Variants in ITPK1 observed in about 807,000 individuals in gnomAD.
ITPK1 encodes the protein inositol-tetrakisphosphate 1-kinase, also known as inositol 1,3,4-trisphosphate 5/6-kinase.
A neutral mutation model predicts 45.3 loss-of-function variants in ITPK1; 21 were observed. The ratio of observed to expected loss-of-function variants is 0.46; its 90% confidence interval spans 0.33 to 0.67. The LOEUF is 0.67. Ranked by LOEUF, ITPK1 falls within the 30% of genes least tolerant of loss-of-function variation. The pLI is 0.02. For missense variants in ITPK1, 474 were observed against 573.5 expected, an observed-to-expected ratio of 0.83 and a Z score of 1.77; for synonymous variants, 258 against 253.6, an observed-to-expected ratio of 1.02 and a Z score of -0.16.
rs1887973081 is a variant in ITPK1 at position 93,012,679 on chromosome 14, C to T, written c.246+3997G>A. Among the ~76,000 whole-genome samples the T allele has an allele frequency of 3.3e-5, 5 of 152,186 alleles. No individual in the cohort carries two copies. The highest frequency in any genetic ancestry group is 7.2e-5 in the African/African-American group (3 of 41,442). On this transcript the variant is annotated intron_variant, in intron 4 of 10. Transcript: ENST00000267615. This position sits in a 1 kb window ranked among gnomAD's most constrained non-coding sequence, Gnocchi z 4.9. ...CGGGCAGGGCACCCAGCAGTGCTGC[C>T]GCAGAGGACACTCTCCTAGCAGTCT... is the stretch of plus-strand genomic sequence containing the variant.
chr14:93,044,865 T>C (rs75449437), intron 3 of ITPK1, among the ~76,000 whole-genome samples: 17 of 151,274 alleles, frequency 1.1e-4, no homozygotes, highest in African/African-American at 3.9e-4. Flanking sequence ...AGGGTTGTGG[T>C]TCTTTAGGAT....
chr14:92,943,282 C>T (rs1437641255), intron 10 of ITPK1, among the ~76,000 whole-genome samples: 1 of 152,222 alleles, frequency 6.6e-6, no homozygotes, highest in Non-Finnish European at 1.5e-5. Context: ...CGGGAAGTAG[C>T]AGCCACTGGG....
In ITPK1 at chr14:93,034,955, G is replaced by A. The variant is rs567428609; in HGVS notation, c.121-18154C>T. Among the ~76,000 whole-genome samples the A allele has an allele frequency of 3.3e-5, 5 of 152,222 alleles. No homozygotes were observed. Among genetic ancestry groups the A allele is most frequent in the African/African-American group, 7.2e-5 (3 of 41,452 alleles). ...CAGCCCCACCCCAGGTAGCACTGAC[G>A]GGCCTGGCCTCTGGGCACCTGCACC... On this transcript the variant is annotated intron_variant, in intron 3 of 10. Coordinates refer to ENST00000267615, the MANE Select transcript of ITPK1 (RefSeq NM_014216.6). The surrounding 1 kb of genome is among the most constrained non-coding windows in gnomAD (Gnocchi z 4.1).
chr14:93,035,418 G>A (rs1889273126), intron 3 of ITPK1, among the ~76,000 whole-genome samples: 2 of 152,240 alleles, frequency 1.3e-5, no homozygotes, highest in African/African-American at 2.4e-5. Flanking sequence ...AGCCTTGAAG[G>A]ACAGTGGAAT....
chr14:92,939,753 T>C lies in ITPK1; in HGVS notation c.*1808A>G, dbSNP rs1887264773. 2 of 985,586 alleles carry C rather than the reference T, an allele frequency of 2.0e-6. No individual in the cohort carries two copies. Among genetic ancestry groups the C allele is most frequent in the Non-Finnish European group, 2.4e-6 (2 of 829,952 alleles). The allele number at this position is 985,586 out of a possible 1,614,324, so 61.1% of individuals were successfully genotyped here. A position where few individuals can be genotyped will look rare whatever the true frequency, so the allele number is the denominator to read the frequency against. ...ACCCCCACCCGTACCTGAGGCAGAC[T>C]GGGATTGAAATTTTATTTTTAAAAG... On this transcript the variant is annotated 3_prime_UTR_variant, in exon 11 of 11. Coordinates refer to ENST00000267615, the MANE Select transcript of ITPK1 (RefSeq NM_014216.6).
rs1006422672 is a variant in ITPK1, at chr14:92,962,695, A to G, written c.463+56T>C. ...GCACTATAAACCCAGCCCCTCCCCT[A>G]TGCTGGCCTGCGGTCTACAGCGCCT... is the stretch of plus-strand genomic sequence containing the variant. On this transcript the variant is annotated intron_variant, in intron 6 of 10. Transcript: ENST00000267615. 3 of 1,328,616 alleles carry G rather than the reference A, an allele frequency of 2.3e-6. No individual in the cohort carries two copies. The East Asian group carries it at 6.9e-5, about 30-fold the overall frequency. The allele number at this position is 1,328,616 out of a possible 1,614,324, so 82.3% of individuals were successfully genotyped here.
intron 7 of ITPK1, among the ~76,000 whole-genome samples, chr14:92,960,197 G>T (rs954127842): frequency 2.0e-5 from 3 of 152,182 alleles, no homozygotes; most frequent in Non-Finnish European, 4.4e-5. Context: ...AGAGGGAGGG[G>T]CACCTGTACA....
intron 2 of ITPK1, among the ~76,000 whole-genome samples, chr14:93,083,746 A>T (rs1421012332): frequency 6.6e-6 from 1 of 152,032 alleles, no homozygotes; most frequent in African/African-American, 2.4e-5. Flanking sequence ...ATGTGTGTTG[A>T]TGGCCACACT....
At position 92,939,986 on chromosome 14, in the gene ITPK1, C is replaced by G. The variant is rs1170965142; in HGVS notation, c.*1575G>C. On this transcript the variant is annotated 3_prime_UTR_variant, in exon 11 of 11. Transcript: ENST00000267615. ...TGACGTACAGACATTAATCGGGGTT[C>G]AAAACTCAAGTCGTGTAAACGTGGT... The G allele has an allele frequency of 2.0e-6, 2 of 985,768 alleles. No homozygotes were observed. The highest frequency in any genetic ancestry group is 9.4e-5 in the South Asian group (2 of 21,294). The allele number at this position is 985,768 out of a possible 1,614,324, so 61.1% of individuals were successfully genotyped here.
chr14:92,999,863 C>T (rs1000509615), intron 4 of ITPK1, among the ~76,000 whole-genome samples: 6 of 152,238 alleles, frequency 3.9e-5, no homozygotes, highest in African/African-American at 1.2e-4. Context: ...AATTTTAGAA[C>T]GTTTTCATCC....
intron 9 of ITPK1, among the ~76,000 whole-genome samples, chr14:92,951,724 C>T (rs117603425): frequency 0.018 from 2,746 of 152,256 alleles, 74 homozygotes; most frequent in Admixed American, 0.08. Flanking sequence ...CTCACCTCTC[C>T]CTGTGCTGGG....
intron 5 of ITPK1, among the ~76,000 whole-genome samples, chr14:92,980,126 C>T (rs1193309943): frequency 1.3e-5 from 2 of 152,102 alleles, no homozygotes; most frequent in East Asian, 1.9e-4. Context: ...ATACACCAGC[C>T]CCAGAGGAGC....
chr14:93,103,890 C>T lies in ITPK1; in HGVS notation c.95+11179G>A, dbSNP rs761108809. ...CTCTGCACCCATCTACCATGCCCCG[C>T]CCTGCCCAGGAAGCAGCAAGCTGAC... On this transcript the variant is annotated intron_variant, in intron 2 of 10. Coordinates refer to ENST00000267615, the MANE Select transcript of ITPK1 (RefSeq NM_014216.6). Among the ~76,000 whole-genome samples, 6 of 152,180 alleles carry T rather than the reference C, an allele frequency of 3.9e-5. No individual in the cohort carries two copies. In the East Asian group the frequency reaches 7.7e-4, roughly 20 times the overall value.
chr14:93,024,135 C>A (rs60638321), intron 3 of ITPK1, among the ~76,000 whole-genome samples: 8,507 of 152,288 alleles, frequency 0.056, 445 homozygotes, highest in African/African-American at 0.13. Flanking sequence ...GCCTGACCGC[C>A]CTGTGTGTGT....
intron 3 of ITPK1, among the ~76,000 whole-genome samples, chr14:93,026,341 T>C (rs566173659): frequency 1.3e-5 from 2 of 152,294 alleles, no homozygotes; most frequent in East Asian, 3.9e-4. Flanking sequence ...AAAAGATATG[T>C]TTGAATGTTA....
At chr14:93,004,005 A>G (rs953079763) in intron 4 of ITPK1, among the ~76,000 whole-genome samples, 2 of 152,264 alleles carry the variant, frequency 1.3e-5, no homozygotes, top group Non-Finnish European at 2.9e-5. Context: ...GATGTGACGA[A>G]CAAACCAAAA....
At chr14:93,114,992 G>A (rs1892880156) in intron 2 of ITPK1, 77 bp downstream of exon 2, 3 of 789,868 alleles carry the variant, frequency 3.8e-6, no homozygotes, top group Admixed American at 3.4e-5. Context: ...AACTAATGAG[G>A]CTGCACCGGG....
chr14:93,041,157 G>C (rs1323599982), intron 3 of ITPK1, among the ~76,000 whole-genome samples: 1 of 152,126 alleles, frequency 6.6e-6, no homozygotes, highest in Non-Finnish European at 1.5e-5. Context: ...CCTCACAAAG[G>C]CCCTATCCCA....
chr14:92,989,363 A>G (rs1030538664), intron 5 of ITPK1, among the ~76,000 whole-genome samples: 6 of 152,060 alleles, frequency 3.9e-5, no homozygotes, highest in Middle Eastern at 3.2e-3. Flanking sequence ...AGAGCCACCC[A>G]TCACCCCAAA....
Sources: gnomAD v4.1 joint callset for allele counts (sites outside exome capture counted in the v4.1 genomes callset) on GRCh38, gnomAD v4.1.1 for gene constraint, Gnocchi (gnomAD v3.1) non-coding constraint, MANE v1.5 for transcripts, NCBI Gene and HGNC (gene_info 2026-07-23, HGNC 2026-07-21) for gene names.